APBB2: variants seen among roughly 807,000 people sequenced by gnomAD.
APBB2 encodes the protein Fe65-like 1.
Under a neutral mutation model 82.5 loss-of-function variants are expected in APBB2, and 38 were observed. The ratio of observed to expected loss-of-function variants is 0.46; its 90% CI spans 0.36 to 0.60. APBB2 has a LOEUF of 0.60. Among genes scored for constraint, APBB2 ranks in the 20% least tolerant of loss-of-function variants. The pLI is 0.00. For synonymous variants in APBB2, 341 were observed against 368.2 expected (o/e 0.93, Z 0.85); for missense variants, 772 against 972.3 (o/e 0.79, Z 2.74).
At chr4:40,951,261 G>A (rs368893948) in intron 6 of APBB2, among the ~76,000 whole-genome samples, 109 of 152,170 alleles carry the variant, frequency 7.2e-4, no homozygotes, top group Middle Eastern at 3.4e-3. Context: ...TTACAGTATG[G>A]GTGTTTCTCT....
intron 1 of APBB2, among the ~76,000 whole-genome samples, chr4:41,181,861 G>T (rs954984147): frequency 6.7e-6 from 1 of 150,246 alleles, no homozygotes. Flanking sequence ...CAGAAGAATC[G>T]CTTGAACCTG....
chr4:41,137,581 CT>C (rs1560849999), intron 2 of APBB2, among the ~76,000 whole-genome samples: 1 of 152,150 alleles, frequency 6.6e-6, no homozygotes, highest in Admixed American at 6.5e-5. Context: ...GACACTGCAT[CT>C]TAAGTCCAAT....
intron 6 of APBB2, among the ~76,000 whole-genome samples, chr4:40,994,479 CCAAA>C (rs1803061546): frequency 6.6e-6 from 1 of 151,896 alleles, no homozygotes; most frequent in Non-Finnish European, 1.5e-5. Flanking sequence ...AAGATGTCTC[CCAAA>C]CATAGTATGA....
At chr4:41,041,196 A>C (rs1434270323) in intron 4 of APBB2, among the ~76,000 whole-genome samples, 4 of 152,146 alleles carry the variant, frequency 2.6e-5, no homozygotes, top group Admixed American at 2.6e-4. Flanking sequence ...GTGAAATTTT[A>C]ACTCACTCTG....
intron 6 of APBB2, among the ~76,000 whole-genome samples, chr4:40,968,463 T>A (rs1158546097): frequency 6.6e-6 from 1 of 152,144 alleles, no homozygotes; most frequent in Non-Finnish European, 1.5e-5. Context: ...CTACAGCTAT[T>A]AATTTCTCAT....
At chr4:40,929,979 T>C (rs1265463356) in intron 10 of APBB2, among the ~76,000 whole-genome samples, 1 of 151,888 alleles carries the variant, frequency 6.6e-6, no homozygotes, top group Non-Finnish European at 1.5e-5. Context: ...AATATTACCA[T>C]GGAATTAGGA....
At chr4:41,154,835 C>T (rs902381286) in intron 1 of APBB2, among the ~76,000 whole-genome samples, 4 of 152,194 alleles carry the variant, frequency 2.6e-5, no homozygotes, top group African/African-American at 9.7e-5. Context: ...CATATGTGCT[C>T]ATGTATCAAC....
intron 12 of APBB2, among the ~76,000 whole-genome samples, chr4:40,883,309 C>A (rs1202919139): frequency 6.6e-6 from 1 of 151,874 alleles, no homozygotes; most frequent in Admixed American, 6.6e-5. Context: ...GGTAACAGAG[C>A]GAGACGGTGG....
At chr4:41,195,911 A>G in intron 1 of APBB2, among the ~76,000 whole-genome samples, 4 of 152,308 alleles carry the variant, frequency 2.6e-5, no homozygotes, top group African/African-American at 9.6e-5. Context: ...CTGTAATCCC[A>G]GCACTTTGGG....
intron 1 of APBB2, among the ~76,000 whole-genome samples, chr4:41,158,155 G>A (rs554473021): frequency 6.6e-6 from 1 of 152,298 alleles, no homozygotes; most frequent in East Asian, 1.9e-4. Context: ...CACTCTCCAA[G>A]CTGTGTGGCC....
intron 2 of APBB2, among the ~76,000 whole-genome samples, chr4:41,116,322 G>C (rs1466007309): frequency 6.6e-6 from 1 of 152,170 alleles, no homozygotes; most frequent in African/African-American, 2.4e-5. Flanking sequence ...CGGTGGGTGG[G>C]GGGCCAGGGG....
At chr4:41,130,361 A>T (rs894716886) in intron 2 of APBB2, among the ~76,000 whole-genome samples, 9 of 152,160 alleles carry the variant, frequency 5.9e-5, no homozygotes, top group Non-Finnish European at 8.8e-5. Flanking sequence ...CTCGACCTTC[A>T]GCGTAGATCC....
chr4:40,911,657 C>G, intron 10 of APBB2, among the ~76,000 whole-genome samples: 1 of 152,144 alleles, frequency 6.6e-6, no homozygotes, highest in Middle Eastern at 3.2e-3. Context: ...GGCCTGGAAC[C>G]TGCAGACTGG....
At chr4:41,103,558 T>G (rs1323335692) in intron 2 of APBB2, among the ~76,000 whole-genome samples, 2 of 152,082 alleles carry the variant, frequency 1.3e-5, no homozygotes, top group Non-Finnish European at 2.9e-5. Flanking sequence ...AAAATGTTCT[T>G]AAGCAGTATT....
At chr4:41,056,634 A>G (rs1727957489) in intron 4 of APBB2, among the ~76,000 whole-genome samples, 1 of 152,232 alleles carries the variant, frequency 6.6e-6, no homozygotes, top group Non-Finnish European at 1.5e-5. Context: ...ACCCCAGAGA[A>G]GTCAACACAG....
At chr4:41,196,934 G>A in intron 1 of APBB2, among the ~76,000 whole-genome samples, 2,092 of 151,378 alleles carry the variant, frequency 0.014, 57 homozygotes, top group African/African-American at 0.047. Flanking sequence ...GCACCACCAC[G>A]GAGGGTGTGC....
chr4:40,874,650 T>A (rs2154342359), intron 12 of APBB2, among the ~76,000 whole-genome samples: 1 of 152,330 alleles, frequency 6.6e-6, no homozygotes, highest in East Asian at 1.9e-4. Flanking sequence ...GCTGGCCCTC[T>A]GAAGGTTCGC....
chr4:40,920,598 G>A (rs998490438), intron 10 of APBB2, among the ~76,000 whole-genome samples: 1 of 152,166 alleles, frequency 6.6e-6, no homozygotes, highest in Non-Finnish European at 1.5e-5. Flanking sequence ...CGGGCTGGAC[G>A]CAGTGGCTCA....
At chr4:41,088,074 G>A (rs895555408) in intron 3 of APBB2, among the ~76,000 whole-genome samples, 4 of 152,150 alleles carry the variant, frequency 2.6e-5, no homozygotes, top group African/African-American at 7.2e-5. Flanking sequence ...TATAGAATTC[G>A]TGATTGACAA....
Sources: gnomAD v4.1 joint callset for allele counts (sites outside exome capture counted in the v4.1 genomes callset) on GRCh38, gnomAD v4.1.1 for gene constraint, MANE v1.5 for transcripts, NCBI Gene and HGNC (gene_info 2026-07-23, HGNC 2026-07-21) for gene names.